The following SCNN1D variants were observed in gnomAD, a reference collection of about 807,000 sequenced individuals.
The protein encoded by SCNN1D is epithelial sodium channel subunit delta.
In SCNN1D, 104 loss-of-function variants were observed where a neutral mutation model predicts 87.8. The ratio of observed to expected loss-of-function variants is 1.18; its 90% confidence interval spans 1.01 to 1.39. The LOEUF is 1.39. Ranked by LOEUF, SCNN1D falls within the 40% of genes most tolerant of loss-of-function variation. The probability of loss-of-function intolerance (pLI) is 0.00; values close to 1 mark genes in which losing one functional copy is unlikely to be tolerated. For missense variants in SCNN1D, 1,324 were observed against 1,093.9 expected (o/e 1.21, Z -2.97); for synonymous variants, 628 against 481.2 (o/e 1.31, Z -3.99).
intron 2 of SCNN1D, 45 bp from the exon 3 acceptor site, chr1:1,281,366 C>T (rs554821695): frequency 6.5e-7 from 1 of 1,531,344 alleles, no homozygotes; most frequent in Non-Finnish European, 8.7e-7. Context: ...GAGGCATGGG[C>T]CCAAAGGGAG....
intron 4 of SCNN1D, 130 bp downstream of exon 4, chr1:1,282,445 C>T: frequency 1.9e-6 from 2 of 1,066,834 alleles, no homozygotes; most frequent in Non-Finnish European, 2.7e-6. Context: ...CCTACCCTTC[C>T]AACCTGGGCC....
chr1:1,291,405 C>T lies in SCNN1D; in HGVS notation c.2204C>T (p.Ser735Phe), dbSNP rs762583346. 3 of 1,608,328 alleles carry T rather than the reference C, an allele frequency of 1.9e-6. No homozygotes were observed. Among genetic ancestry groups the T allele is most frequent in the South Asian group, 1.1e-5 (1 of 90,576 alleles). ...CGCCGGCTCCGCAGGGCGTGGTTCT[C>T]CTGGCCCAGAGCCAGCCCTGCCTCA... Reference protein sequence around the residue: ...GGRRLRRAWFSWPRASPASGA... With the variant: ...GGRRLRRAWFFWPRASPASGA... The change falls in exon 18 of 18, where the codon TCC becomes TTC. Residue 735 changes from serine (S) to phenylalanine (F), a missense_variant. By Grantham distance (155) the Ser-to-Phe change is radical. Coordinates refer to ENST00000379116, the MANE Select transcript of SCNN1D (RefSeq NM_001130413.4).
At position 1,290,328 on chromosome 1, in the gene SCNN1D, T is replaced by C. The variant is rs754396740; in HGVS notation, c.1720T>C (p.Tyr574His). The change falls in exon 13 of 18, where the codon TAC becomes CAC. Residue 574 changes from tyrosine (Y) to histidine (H), a missense_variant. Transcript: ENST00000379116. Reference protein sequence around the residue: ...LMVETCSCGYYLHPLPAGAEY... With the variant: ...LMVETCSCGYHLHPLPAGAEY... ...GGTGGAGACCTGCTCCTGTGGCTAC[T>C]ACCTCCACCCTCTGCCGGCGGGGGC... The C allele has an allele frequency of 1.3e-6, 2 of 1,595,382 alleles. No individual in the cohort carries two copies. Among genetic ancestry groups the C allele is most frequent in the South Asian group, 2.3e-5 (2 of 88,350 alleles).
At chr1:1,288,102 G>C in intron 12 of SCNN1D, 65 bp downstream of exon 12, 3 of 1,103,068 alleles carry the variant, frequency 2.7e-6, no homozygotes, top group South Asian at 3.1e-5. Flanking sequence ...GGTGTGGGCG[G>C]GTGGAACGGG....
chr1:1,287,351 G>A (rs768947783), intron 9 of SCNN1D, 52 bp downstream of exon 9: 104 of 1,512,936 alleles, frequency 6.9e-5, no homozygotes, highest in Admixed American at 1.0e-4. Context: ...ACAGAGCGTG[G>A]CCGCACCCCT....
At chr1:1,285,097 C>T (rs1040235275) in intron 5 of SCNN1D, among the ~76,000 whole-genome samples, 5 of 152,208 alleles carry the variant, frequency 3.3e-5, no homozygotes, top group Non-Finnish European at 7.4e-5. Flanking sequence ...GGTGGAGCTC[C>T]TGGCCAGGCT....
chr1:1,286,921 C>G lies in SCNN1D; in HGVS notation c.1065C>G (p.Ile355Met), dbSNP rs766155344. 182 of 1,612,414 alleles carry G rather than the reference C, an allele frequency of 1.1e-4. No individual in the cohort carries two copies. The Admixed American group carries it at 3.0e-3, about 27-fold the overall frequency. The change falls in exon 8 of 18, where the codon ATC becomes ATG. Residue 355 changes from isoleucine to methionine, a missense_variant. Ile to Met is a conservative substitution (Grantham distance 10). Coordinates refer to ENST00000379116, the MANE Select transcript of SCNN1D (RefSeq NM_001130413.4). ...CCCCCTTCCACCTGGACCGGGAGAT[C>G]CGTCTGCAGAGGCTGAGCCACTCGG... is the stretch of plus-strand genomic sequence containing the variant. The part of the protein sequence containing the change: ...HEPPFHLDRE[I>M]RLQRLSHSGS...
intron 9 of SCNN1D, 103 bp from the exon 10 acceptor site, chr1:1,287,405 G>A (rs960247042): frequency 6.1e-6 from 9 of 1,486,164 alleles, no homozygotes; most frequent in Admixed American, 4.4e-5. Context: ...AAGGCTGGCC[G>A]GAGGAACTTT....
chr1:1,280,754 G>T (rs1455421686), intron 1 of SCNN1D, 88 bp downstream of exon 1: 2 of 689,602 alleles, frequency 2.9e-6, no homozygotes, highest in East Asian at 5.4e-5. Flanking sequence ...GGTCCATCCA[G>T]ACAGTTCAGG....
chr1:1,285,881 T>C, intron 6 of SCNN1D, 45 bp from the exon 7 acceptor site: 2 of 1,499,766 alleles, frequency 1.3e-6, no homozygotes, highest in Non-Finnish European at 1.8e-6. Flanking sequence ...TAGGGAGGCC[T>C]GAGTGGGTGC....
Position 1,291,778 on chromosome 1 carries a change from ACACTG to A in SCNN1D, c.*170_*174del. ...GTCGGCGCCTCTGGTCAAACCACCT[ACACTG>A]CCTGGGGTGGGTCTCAAGGAGGCCC... On this transcript the variant is annotated 3_prime_UTR_variant, in exon 18 of 18. Coordinates refer to ENST00000379116, the MANE Select transcript of SCNN1D (RefSeq NM_001130413.4). The A allele has an allele frequency of 2.0e-6, 1 of 507,768 alleles. No homozygotes were observed. The highest frequency in any genetic ancestry group is 3.4e-6 in the Non-Finnish European group (1 of 296,102). The allele number at this position is 507,768 out of a possible 1,614,324, so 31.5% of individuals were successfully genotyped here.
At chr1:1,288,232 C>T (rs1640659269) in intron 12 of SCNN1D, among the ~76,000 whole-genome samples, 195 bp downstream of exon 12, 1 of 144,756 alleles carries the variant, frequency 6.9e-6, no homozygotes, top group African/African-American at 2.7e-5. Flanking sequence ...CGTGTCTCTG[C>T]TCCGTCCCGT....
Position 1,291,857 on chromosome 1 carries a change from G to A in SCNN1D, c.*247G>A, listed in dbSNP as rs527805581. The stretch of plus-strand genomic sequence containing the variant: ...GCACACGAGTGCGGCTGGACGTGCC[G>A]ACACGCGGTGATGTACCCATGCTCC... On this transcript the variant is annotated 3_prime_UTR_variant, in exon 18 of 18. Coordinates refer to ENST00000379116, the MANE Select transcript of SCNN1D (RefSeq NM_001130413.4). 249 of 425,604 alleles carry A rather than the reference G, an allele frequency of 5.9e-4. 1 individual carries two copies. Among genetic ancestry groups the A allele is most frequent in the East Asian group, 1.0e-3 (29 of 28,224 alleles). The allele number at this position is 425,604 out of a possible 1,614,324, so 26.4% of individuals were successfully genotyped here.
At position 1,287,514 on chromosome 1, in the gene SCNN1D, C is replaced by T. The variant is rs773466882; in HGVS notation, c.1317C>T (p.Phe439=). The T allele has an allele frequency of 1.2e-5, 18 of 1,527,920 alleles. No individual in the cohort carries two copies. In the South Asian group the frequency reaches 2.3e-4, roughly 20 times the overall value. 94.6% of individuals were successfully genotyped at this position (1,527,920 alleles called of 1,614,324 possible). A position where few individuals can be genotyped will look rare whatever the true frequency, so the allele number is the denominator to read the frequency against. The change falls in exon 10 of 18, where the codon TTC becomes TTT. Residue 439 remains phenylalanine, a synonymous_variant. Transcript: ENST00000379116. The part of the protein sequence containing the change: ...YDGLDCQARQ[F]RTFHHPTYGS... Reference sequence around the variant, plus strand: ...GCTTGGCTTCTCATTCCAGACAGTTCCGGACCTTCCACCACCCCACCTACG... The same window carrying T: ...GCTTGGCTTCTCATTCCAGACAGTTTCGGACCTTCCACCACCCCACCTACG...
chr1:1,287,352 C>A, intron 9 of SCNN1D, 53 bp downstream of exon 9: 1 of 1,510,932 alleles, frequency 6.6e-7, no homozygotes, highest in African/African-American at 1.4e-5. Context: ...CAGAGCGTGG[C>A]CGCACCCCTG....
At chr1:1,283,888 C>A (rs1570601985) in intron 4 of SCNN1D, 90 bp from the exon 5 acceptor site, 4 of 631,856 alleles carry the variant, frequency 6.3e-6, no homozygotes, top group Non-Finnish European at 9.9e-6. Flanking sequence ...AGGAATTCCC[C>A]TTTTGGGTCC....
intron 3 of SCNN1D, 196 bp from the exon 4 acceptor site, chr1:1,282,046 G>A: frequency 1.7e-6 from 1 of 600,186 alleles, no homozygotes; most frequent in Non-Finnish European, 3.0e-6. Context: ...AGATGTGGTG[G>A]GGGAGAAGCC....
intron 1 of SCNN1D, 170 bp downstream of exon 1, chr1:1,280,836 G>T: frequency 1.7e-6 from 1 of 597,622 alleles, no homozygotes; most frequent in Non-Finnish European, 3.0e-6. Context: ...CCTCCCAGCA[G>T]GGGACACCGG....
At chr1:1,290,584 A>G (rs775580191) in intron 14 of SCNN1D, 29 bp downstream of exon 14, 111 of 1,612,462 alleles carry the variant, frequency 6.9e-5, no homozygotes, top group Non-Finnish European at 9.1e-5. Context: ...GGTCGCGGCC[A>G]GGGATCATTG....
Sources: allele counts gnomAD v4.1 joint callset (sites outside exome capture counted in the v4.1 genomes callset), GRCh38; gene constraint gnomAD v4.1.1; transcripts MANE v1.5; gene names NCBI Gene and HGNC (gene_info 2026-07-23, HGNC 2026-07-21).